Variants in SH3PXD2B observed in about 807,000 individuals in gnomAD.
The protein encoded by SH3PXD2B is SH3 and PX domains 2B.
In SH3PXD2B, 37 loss-of-function variants were observed where a neutral mutation model predicts 73.1. That is an observed-to-expected ratio of 0.51 (90% CI 0.39 to 0.67). The LOEUF is 0.67. Among genes scored for constraint, SH3PXD2B ranks in the 30% least tolerant of loss-of-function variants. SH3PXD2B has a pLI of 0.00. For synonymous variants in SH3PXD2B, 457 were observed against 480.5 expected (o/e 0.95, Z 0.64); for missense variants, 1,053 against 1,197.8 (o/e 0.88, Z 1.78).
intron 1 of SH3PXD2B, among the ~76,000 whole-genome samples, chr5:172,450,414 T>C (rs887696896): frequency 4.6e-5 from 7 of 152,116 alleles, no homozygotes; most frequent in African/African-American, 9.7e-5. Context: ...TGGCAAAATA[T>C]AGAGATGTGA....
At chr5:172,403,175 G>A (rs141489529) in intron 3 of SH3PXD2B, among the ~76,000 whole-genome samples, 31 of 152,350 alleles carry the variant, frequency 2.0e-4, no homozygotes, top group Non-Finnish European at 3.8e-4. Context: ...GGTGGGAATG[G>A]TCGGCTTTTG....
rs545741158 is a variant in SH3PXD2B, at chr5:172,445,823, T to C, written c.75+8455A>G. Among the ~76,000 whole-genome samples, 8 of 152,272 alleles carry C rather than the reference T, an allele frequency of 5.3e-5. No individual in the cohort carries two copies. In the South Asian group the frequency reaches 1.5e-3, roughly 28 times the overall value. ...TTACCACCTGAAGAAGACCCTGGGC[T>C]GAGAGTCATGCCCGCCTGCAGGTGT... On this transcript the variant is annotated intron_variant, in intron 1 of 12. Transcript: ENST00000311601. The surrounding 1 kb of genome is among the most constrained non-coding windows in gnomAD (Gnocchi z 5.2).
chr5:172,364,856 A>G (rs1283316219), intron 6 of SH3PXD2B, among the ~76,000 whole-genome samples: 1 of 152,014 alleles, frequency 6.6e-6, no homozygotes, highest in East Asian at 1.9e-4. Context: ...CAAATGCTAC[A>G]AAGCAGGGCT....
intron 1 of SH3PXD2B, among the ~76,000 whole-genome samples, chr5:172,442,883 C>T (rs933390139): frequency 6.6e-6 from 1 of 152,192 alleles, no homozygotes; most frequent in African/African-American, 2.4e-5. Flanking sequence ...CAAGATCACA[C>T]ATGGCAGAGC....
rs114169757 is a variant in SH3PXD2B at position 172,432,581 on chromosome 5, A to G, written c.76-10085T>C. ...CGAGTATCGCTTTTGAGTTACAAAT[A>G]AATTTTAGCAAGTAGGCAAATTCGC... On this transcript the variant is annotated intron_variant, in intron 1 of 12. Transcript: ENST00000311601. 7.8e-3 allele frequency among the ~76,000 whole-genome samples: 1,189 copies of G among 152,294 alleles called. 16 individuals carry two copies. The highest frequency in any genetic ancestry group is 0.027 in the African/African-American group (1,122 of 41,548).
At chr5:172,439,281 C>CAAAAAAAAAAAAAAAAA (rs1258473455) in intron 1 of SH3PXD2B, among the ~76,000 whole-genome samples, 1 of 41,912 alleles carries the variant, frequency 2.4e-5, no homozygotes. Flanking sequence ...AAAAACAAAA[C>CAAAAAAAAAAAAAAAAA]AAAAAAAAAA....
chr5:172,376,612 G>A (rs2113359892), intron 5 of SH3PXD2B, among the ~76,000 whole-genome samples: 1 of 152,318 alleles, frequency 6.6e-6, no homozygotes, highest in East Asian at 1.9e-4. Context: ...GCGCAGCAGA[G>A]TCTGGCCAGG....
intron 2 of SH3PXD2B, among the ~76,000 whole-genome samples, chr5:172,422,135 C>T (rs1425772526): frequency 6.6e-6 from 1 of 152,042 alleles, no homozygotes; most frequent in Non-Finnish European, 1.5e-5. Flanking sequence ...GCTGGGATTA[C>T]AGGCACCCGT....
In SH3PXD2B at chr5:172,346,177, T is replaced by C. The variant is rs1756993384; in HGVS notation, c.1147A>G (p.Ile383Val). 1.9e-6 allele frequency: 3 copies of C among 1,614,070 alleles called. No individual in the cohort carries two copies. Among genetic ancestry groups the C allele is most frequent in the East Asian group, 4.5e-5 (2 of 44,878 alleles). ...YYTIAEFQTTIPDGISFQAGL... is the reference protein window; with the variant it reads ...YYTIAEFQTTVPDGISFQAGL... Reference sequence around the variant, plus strand: ...GCCTGGAAGCTGATGCCGTCTGGGATGGTTGTCTGGAATTCGGCGATGGTG... The same window carrying C: ...GCCTGGAAGCTGATGCCGTCTGGGACGGTTGTCTGGAATTCGGCGATGGTG... The change falls in exon 12 of 13, where the codon ATC becomes GTC. Residue 383 changes from isoleucine to valine, a missense_variant. Physicochemically the swap from Ile to Val is conservative, Grantham distance 29. Around this residue, in one of 2 missense-constraint regions of SH3PXD2B, gnomAD observed 466 missense variants for 607.1 expected, o/e 0.77. Coordinates refer to ENST00000311601, the MANE Select transcript of SH3PXD2B (RefSeq NM_001017995.3).
At chr5:172,373,248 C>A (rs1263596383) in intron 6 of SH3PXD2B, among the ~76,000 whole-genome samples, 3 of 152,220 alleles carry the variant, frequency 2.0e-5, no homozygotes, top group Non-Finnish European at 2.9e-5. Flanking sequence ...CCAGCCTGTG[C>A]CTGGCGATCC....
At chr5:172,384,296 G>T (rs1435577064) in intron 4 of SH3PXD2B, among the ~76,000 whole-genome samples, 1 of 151,992 alleles carries the variant, frequency 6.6e-6, no homozygotes, top group African/African-American at 2.4e-5. Flanking sequence ...GGGCTTTGGG[G>T]ATATGTTGAC....
In SH3PXD2B at chr5:172,396,616, C is replaced by CT. The variant is rs34169390; in HGVS notation, c.233-1978dup. ...GTAAATTTAAAAAAAGAGAGAAAGC[C>CT]TTTTTTTTTTTTTTTTTTGCTCATT... On this transcript the variant is annotated intron_variant, in intron 3 of 12. Coordinates refer to ENST00000311601, the MANE Select transcript of SH3PXD2B (RefSeq NM_001017995.3). Among the ~76,000 whole-genome samples, 683 of 126,490 alleles carry CT rather than the reference C, an allele frequency of 5.4e-3. 2 individuals carry two copies. The highest frequency in any genetic ancestry group is 8.0e-3 in the Middle Eastern group (2 of 250). The allele number at this position is 126,490 out of a possible 152,430, so 83.0% of individuals were successfully genotyped here.
chr5:172,416,744 T>C (rs1259342432), intron 2 of SH3PXD2B, among the ~76,000 whole-genome samples: 10 of 137,866 alleles, frequency 7.3e-5, no homozygotes, highest in African/African-American at 2.7e-4. Context: ...GGTCTTGCTC[T>C]GTTGCCTAGG....
chr5:172,347,245 A>G lies in SH3PXD2B; in HGVS notation c.1062+38T>C, dbSNP rs754911933. 4.3e-6 allele frequency: 7 copies of G among 1,612,032 alleles called. No individual in the cohort carries two copies. In the South Asian group the frequency reaches 6.6e-5, roughly 15 times the overall value. On this transcript the variant is annotated intron_variant, in intron 11 of 12. Coordinates refer to ENST00000311601, the MANE Select transcript of SH3PXD2B (RefSeq NM_001017995.3). ...TAGTGGACACCCCTCACAGCCCTCA[A>G]GTCAGTGGCCACTCCCCAGTAGCGA...
intron 1 of SH3PXD2B, among the ~76,000 whole-genome samples, chr5:172,447,404 G>A (rs1368433): frequency 0.29 from 43,467 of 152,042 alleles, 6,448 homozygotes; most frequent in Non-Finnish European, 0.34. Context: ...GATATAGCAC[G>A]TTTTATCTTT....
chr5:172,402,763 G>C (rs1310049984), intron 3 of SH3PXD2B, among the ~76,000 whole-genome samples: 1 of 152,360 alleles, frequency 6.6e-6, no homozygotes, highest in Non-Finnish European at 1.5e-5. Flanking sequence ...GCTCTTAGAA[G>C]CTGTCTCCAT....
chr5:172,417,321 G>A (rs1436096880), intron 2 of SH3PXD2B, among the ~76,000 whole-genome samples: 2 of 152,176 alleles, frequency 1.3e-5, no homozygotes, highest in Admixed American at 6.5e-5. Context: ...CCCTGAAGTC[G>A]CTGGGCTATC....
chr5:172,439,148 G>C (rs1759460938), intron 1 of SH3PXD2B, among the ~76,000 whole-genome samples: 1 of 150,972 alleles, frequency 6.6e-6, no homozygotes, highest in Non-Finnish European at 1.5e-5. Flanking sequence ...GCTAAGGTGG[G>C]AGAATCACTT....
chr5:172,429,315 C>T (rs796760856), intron 1 of SH3PXD2B, among the ~76,000 whole-genome samples: 1 of 123,528 alleles, frequency 8.1e-6, no homozygotes, highest in Admixed American at 8.8e-5. Flanking sequence ...TCTGCAAACA[C>T]CCCCGCCCCT....
Sources: allele counts gnomAD v4.1 joint callset (sites outside exome capture counted in the v4.1 genomes callset), GRCh38; gene constraint gnomAD v4.1.1; regional missense constraint gnomAD v4.1.1; non-coding constraint Gnocchi (gnomAD v3.1); transcripts MANE v1.5; gene names NCBI Gene and HGNC (gene_info 2026-07-23, HGNC 2026-07-21).